The following FNIP1 variants were observed in gnomAD, a reference collection of about 807,000 sequenced individuals.
The protein encoded by FNIP1 is folliculin-interacting protein 1.
FNIP1 carries 40 observed loss-of-function variants against 124.5 expected under a neutral mutation model. The ratio of observed to expected loss-of-function variants is 0.32; its 90% CI spans 0.25 to 0.42. FNIP1 has a LOEUF of 0.42. FNIP1 is among the 10% of genes least tolerant of loss of function. The pLI is 1.00. For missense variants in FNIP1, 1,176 were observed against 1,403.7 expected, an observed-to-expected ratio of 0.84 and a Z score of 2.59; for synonymous variants, 472 against 470.6, an observed-to-expected ratio of 1.00 and a Z score of -0.04.
chr5:131,709,825 A>T (rs574717848), intron 7 of FNIP1, among the ~76,000 whole-genome samples: 1 of 152,124 alleles, frequency 6.6e-6, no homozygotes, highest in South Asian at 2.1e-4. Context: ...ACAAATATAT[A>T]TTTTTTATAT....
chr5:131,673,973 G>A (rs1054696579), intron 13 of FNIP1, among the ~76,000 whole-genome samples: 2 of 151,802 alleles, frequency 1.3e-5, no homozygotes. Context: ...GAGGCAGAGG[G>A]TGCACTGAGC....
At chr5:131,796,577 G>C in intron 1 of FNIP1, 1 of 535,126 alleles carries the variant, frequency 1.9e-6, no homozygotes. Flanking sequence ...CGCGTGGCTG[G>C]GGGCAGGTCG....
chr5:131,707,682 G>A (rs1223916853), intron 8 of FNIP1, among the ~76,000 whole-genome samples: 2 of 152,066 alleles, frequency 1.3e-5, no homozygotes, highest in Admixed American at 6.5e-5. Flanking sequence ...ATCTGGGTAT[G>A]ACTTCAGTGA....
chr5:131,642,159 A>C lies in FNIP1; in HGVS notation c.*2526T>G, dbSNP rs1766735978. The C allele has an allele frequency of 6.5e-6, 1 of 152,760 alleles. No homozygotes were observed. The highest frequency in any genetic ancestry group is 6.5e-5 in the Admixed American group (1 of 15,276). The allele number at this position is 152,760 out of a possible 1,614,324, so 9.5% of individuals were successfully genotyped here. ...GATATGTAACAACTGTCTGTACCAT[A>C]ACTTGTAAAAATTATTTAGAACAAG... On this transcript the variant is annotated 3_prime_UTR_variant, in exon 18 of 18. Coordinates refer to ENST00000510461, the MANE Select transcript of FNIP1 (RefSeq NM_133372.3).
intron 16 of FNIP1, among the ~76,000 whole-genome samples, chr5:131,648,653 T>C (rs1259383408): frequency 6.6e-6 from 1 of 152,186 alleles, no homozygotes; most frequent in Non-Finnish European, 1.5e-5. Flanking sequence ...TAATTTACTA[T>C]ATTGACCACT....
intron 15 of FNIP1, among the ~76,000 whole-genome samples, chr5:131,669,789 CAACT>C (rs1767697762): frequency 6.6e-6 from 1 of 151,936 alleles, no homozygotes; most frequent in Admixed American, 6.6e-5. Context: ...AAAAACCTTA[CAACT>C]AACAACATAC....
Position 131,704,096 on chromosome 5 carries a change from T to A in FNIP1, c.1085A>T (p.His362Leu). ...FFSHFPLFESHMNKLKSAIEQ... is the reference protein window; with the variant it reads ...FFSHFPLFESLMNKLKSAIEQ... ...TATTGCACTCTTTAATTTGTTCATG[T>A]GGCTTTCAAAGAGAGGAAAATGTGA... is the stretch of plus-strand genomic sequence containing the variant. Residue 362 changes from histidine (H) to leucine (L), a missense_variant, in exon 10 of 18, where the codon CAC becomes CTC. By Grantham distance (99) the His-to-Leu change is moderately conservative (BLOSUM62 -3). Transcript: ENST00000510461. The A allele has an allele frequency of 6.2e-7, 1 of 1,611,834 alleles. No homozygotes were observed. The highest frequency in any genetic ancestry group is 8.5e-7 in the Non-Finnish European group (1 of 1,178,212).
At chr5:131,765,474 T>C (rs1174775765) in intron 1 of FNIP1, among the ~76,000 whole-genome samples, 4 of 152,234 alleles carry the variant, frequency 2.6e-5, no homozygotes, top group African/African-American at 9.6e-5. Flanking sequence ...TAGAACATGT[T>C]TCTTTCTCCA....
intron 8 of FNIP1, among the ~76,000 whole-genome samples, chr5:131,708,589 C>T (rs549424866): frequency 1.5e-4 from 23 of 152,292 alleles, no homozygotes; most frequent in South Asian, 1.0e-3. Context: ...GGTGCTCTTT[C>T]GCTGAAGCTT....
intron 15 of FNIP1, among the ~76,000 whole-genome samples, chr5:131,667,979 G>T (rs1228121343): frequency 6.6e-6 from 1 of 152,178 alleles, no homozygotes; most frequent in Non-Finnish European, 1.5e-5. Flanking sequence ...ATTGAAGGGA[G>T]AAATAGAAAA....
In FNIP1 at chr5:131,671,722, T is replaced by C; in HGVS notation, c.2722A>G (p.Thr908Ala). Reference sequence around the variant, plus strand: ...CCATGGGGGACAAGAATGGAGAGTGTATCTCTTTGGTCCTGCTGAGGAAAG... The same window carrying C: ...CCATGGGGGACAAGAATGGAGAGTGCATCTCTTTGGTCCTGCTGAGGAAAG... ...TCFPQQDQRD[T>A]LSILVPHGDK... The change falls in exon 14 of 18, where the codon ACA becomes GCA. Residue 908 changes from threonine to alanine, a missense_variant. Thr to Ala is a moderately conservative substitution (Grantham distance 58). This residue lies in a region of FNIP1 where 1,109 missense variants were observed against 1,288.5 expected (regional missense o/e 0.86). Coordinates refer to ENST00000510461, the MANE Select transcript of FNIP1 (RefSeq NM_133372.3). The C allele has an allele frequency of 1.2e-6, 2 of 1,614,194 alleles. No homozygotes were observed. The highest frequency in any genetic ancestry group is 1.7e-6 in the Non-Finnish European group (2 of 1,180,028).
chr5:131,713,123 A>G (rs868134674), intron 6 of FNIP1, among the ~76,000 whole-genome samples: 1 of 151,436 alleles, frequency 6.6e-6, no homozygotes, highest in Non-Finnish European at 1.5e-5. Context: ...ATCTTGGCTC[A>G]CTGCAAGCTC....
chr5:131,796,951 G>A lies in FNIP1; in HGVS notation c.-30C>T. 1 of 1,569,826 alleles carries A rather than the reference G, an allele frequency of 6.4e-7. No individual in the cohort carries two copies. On this transcript the variant is annotated 5_prime_UTR_variant, in exon 1 of 18. Transcript: ENST00000510461. ...GCCACGGCCAGGCAGGGGTCGCTCC[G>A]CTGGGCGCTTGCTAGGCCCCTGCTC...
chr5:131,713,850 A>ACATTAT (rs1199269184), intron 6 of FNIP1, among the ~76,000 whole-genome samples: 17 of 152,322 alleles, frequency 1.1e-4, no homozygotes, highest in Middle Eastern at 3.4e-3. Context: ...ACTGTAGGTA[A>ACATTAT]CATTATCTGT....
At chr5:131,772,054 C>T (rs959669948) in intron 1 of FNIP1, among the ~76,000 whole-genome samples, 3 of 152,134 alleles carry the variant, frequency 2.0e-5, no homozygotes, top group Non-Finnish European at 4.4e-5. Context: ...CAAAGGAATA[C>T]TACTTTGCAA....
At chr5:131,739,670 G>A (rs1341004546) in intron 2 of FNIP1, among the ~76,000 whole-genome samples, 10 of 151,852 alleles carry the variant, frequency 6.6e-5, no homozygotes, top group East Asian at 1.9e-4. Flanking sequence ...AACGTTAGCC[G>A]GGCGTGGTGG....
chr5:131,718,928 T>C (rs1018348925), intron 5 of FNIP1, 58 bp downstream of exon 5: 3 of 1,452,928 alleles, frequency 2.1e-6, no homozygotes, highest in African/African-American at 2.8e-5. Flanking sequence ...AGTTGGTTAG[T>C]TTTCATACTT....
At chr5:131,661,454 G>A (rs1424450579) in intron 15 of FNIP1, among the ~76,000 whole-genome samples, 3 of 152,034 alleles carry the variant, frequency 2.0e-5, no homozygotes, top group Non-Finnish European at 4.4e-5. Context: ...TACCTTGAGG[G>A]GATCAAAGAT....
At chr5:131,679,253 G>A (rs751532453) in intron 11 of FNIP1, 78 bp from the exon 12 acceptor site, 16 of 853,560 alleles carry the variant, frequency 1.9e-5, no homozygotes, top group Non-Finnish European at 2.9e-5. Flanking sequence ...AGTTTATATT[G>A]CCAGCTTGGT....
Sources: gnomAD v4.1 joint callset for allele counts (sites outside exome capture counted in the v4.1 genomes callset) on GRCh38, gnomAD v4.1.1 for gene constraint, gnomAD v4.1.1 regional missense constraint, MANE v1.5 for transcripts, NCBI Gene and HGNC (gene_info 2026-07-23, HGNC 2026-07-21) for gene names.